The following PTPRD variants were observed in gnomAD, a reference collection of about 807,000 sequenced individuals.
PTPRD encodes protein tyrosine phosphatase receptor type D.
In PTPRD, 34 loss-of-function variants were observed where a neutral mutation model predicts 214.5. That is an observed-to-expected ratio of 0.16 (90% CI 0.12 to 0.21). PTPRD has a LOEUF of 0.21. Among genes scored for constraint, PTPRD ranks in the 10% least tolerant of loss-of-function variants. The probability of loss-of-function intolerance (pLI) is 1.00; values close to 1 mark genes in which losing one functional copy is unlikely to be tolerated. For synonymous variants in PTPRD, 1,128 were observed against 845.7 expected (o/e 1.33, Z -5.79); for missense variants, 2,545 against 2,398.7 (o/e 1.06, Z -1.27).
At chr9:10,472,942 A>G (rs1390924269) in intron 2 of PTPRD, among the ~76,000 whole-genome samples, 1 of 152,040 alleles carries the variant, frequency 6.6e-6, no homozygotes, top group African/African-American at 2.4e-5. Flanking sequence ...AAGAGATTAT[A>G]TTGCATATAA....
chr9:9,719,302 A>C (rs952313704), intron 7 of PTPRD, among the ~76,000 whole-genome samples: 8 of 152,042 alleles, frequency 5.3e-5, no homozygotes, highest in African/African-American at 1.9e-4. Flanking sequence ...ACATAACCTC[A>C]TTCTTCTTGG....
At chr9:10,163,079 A>T (rs78612305) in intron 3 of PTPRD, among the ~76,000 whole-genome samples, 3,134 of 151,038 alleles carry the variant, frequency 0.021, 42 homozygotes, top group Middle Eastern at 0.034. Flanking sequence ...AAGAAAAGGA[A>T]TCATGAAATA....
intron 7 of PTPRD, among the ~76,000 whole-genome samples, chr9:9,729,786 T>G (rs1400494066): frequency 3.9e-5 from 6 of 152,100 alleles, no homozygotes; most frequent in Admixed American, 3.9e-4. Flanking sequence ...AACATATTAG[T>G]AAATTCATGA....
chr9:8,636,205 T>C (rs545998273), intron 13 of PTPRD, among the ~76,000 whole-genome samples: 2 of 152,332 alleles, frequency 1.3e-5, no homozygotes, highest in East Asian at 3.9e-4. Context: ...GGGAAAATTC[T>C]GCTCTTTCAT....
At chr9:8,742,776 C>T (rs1740461325) in intron 11 of PTPRD, among the ~76,000 whole-genome samples, 1 of 152,084 alleles carries the variant, frequency 6.6e-6, no homozygotes, top group South Asian at 2.1e-4. Flanking sequence ...ATTATGATAG[C>T]TCAAAGAAAA....
At chr9:9,298,662 A>T (rs1954063999) in intron 9 of PTPRD, among the ~76,000 whole-genome samples, 1 of 151,786 alleles carries the variant, frequency 6.6e-6, no homozygotes, top group Non-Finnish European at 1.5e-5. Context: ...GGGAAAAGAT[A>T]AGGATTATTG....
intron 11 of PTPRD, among the ~76,000 whole-genome samples, chr9:8,814,556 T>C (rs895720912): frequency 6.6e-6 from 1 of 152,064 alleles, no homozygotes; most frequent in Non-Finnish European, 1.5e-5. Flanking sequence ...GCGGAAACCC[T>C]AGGTGACACG....
At chr9:9,333,674 C>T (rs1368387155) in intron 9 of PTPRD, among the ~76,000 whole-genome samples, 6 of 151,424 alleles carry the variant, frequency 4.0e-5, no homozygotes, top group South Asian at 2.1e-4. Flanking sequence ...TAATCTTGAA[C>T]GTGCCACTTG....
intron 5 of PTPRD, among the ~76,000 whole-genome samples, chr9:9,912,374 A>C (rs887608507): frequency 2.6e-5 from 4 of 152,174 alleles, no homozygotes; most frequent in Admixed American, 2.0e-4. Context: ...ATGAGGTAGC[A>C]GTCTCCCTTG....
At chr9:8,437,165 A>G (rs1359705577) in intron 34 of PTPRD, 2 of 1,471,790 alleles carry the variant, frequency 1.4e-6, no homozygotes, top group Non-Finnish European at 1.8e-6. Context: ...TAGTAAACAT[A>G]AAATGACTTA....
intron 14 of PTPRD, among the ~76,000 whole-genome samples, chr9:8,556,143 T>C (rs1593624108): frequency 1.3e-5 from 2 of 152,356 alleles, no homozygotes; most frequent in Admixed American, 6.5e-5. Flanking sequence ...TACACTACTC[T>C]GTCACTGAGA....
intron 5 of PTPRD, among the ~76,000 whole-genome samples, chr9:9,796,913 C>T (rs1047805193): frequency 5.9e-5 from 9 of 152,084 alleles, no homozygotes; most frequent in African/African-American, 7.2e-5. Context: ...GTCATTGCCA[C>T]AATCAAGGCC....
intron 14 of PTPRD, among the ~76,000 whole-genome samples, chr9:8,632,121 TTGTGTGTGTGTGTGTGTGTGTGTGTGTC>T (rs2096272461): frequency 6.9e-6 from 1 of 144,610 alleles, no homozygotes; most frequent in African/African-American, 2.6e-5. Context: ...AATTGCTTCT[TTGTGTGTGTGTGTGTGTGTGTGTGTGTC>T]TGTGTGTGTG....
chr9:8,335,891 G>C (rs887781077), intron 43 of PTPRD, among the ~76,000 whole-genome samples: 3 of 151,426 alleles, frequency 2.0e-5, no homozygotes, highest in African/African-American at 7.3e-5. Flanking sequence ...GCTTCAAAGA[G>C]AATAAAATAC....
intron 10 of PTPRD, among the ~76,000 whole-genome samples, chr9:9,076,866 G>A (rs1477668526): frequency 7.0e-6 from 1 of 142,530 alleles, no homozygotes; most frequent in Admixed American, 7.2e-5. Flanking sequence ...TTAGTTTTTT[G>A]AGGAAATTCC....
Position 9,264,827 on chromosome 9 carries a change from T to A in PTPRD, c.-202-81464A>T, listed in dbSNP as rs372255712. ...ATAAACAAGAGATCCTCCATGAGAT[T>A]ATCAGCCGATTTTTCAGCAGAAGCC... On this transcript the variant is annotated intron_variant, in intron 9 of 45. Coordinates refer to ENST00000381196, the MANE Select transcript of PTPRD (RefSeq NM_002839.4). Among the ~76,000 whole-genome samples the A allele has an allele frequency of 2.6e-5, 4 of 151,166 alleles. No individual in the cohort carries two copies. The South Asian group carries it at 8.3e-4, about 31-fold the overall frequency.
chr9:8,781,150 T>A (rs1490582285), intron 11 of PTPRD, among the ~76,000 whole-genome samples: 1 of 152,194 alleles, frequency 6.6e-6, no homozygotes, highest in African/African-American at 2.4e-5. Context: ...GCAAAAGGCT[T>A]TGCCTTGGTA....
At chr9:10,204,231 C>T (rs1208236393) in intron 3 of PTPRD, among the ~76,000 whole-genome samples, 1 of 152,110 alleles carries the variant, frequency 6.6e-6, no homozygotes, top group African/African-American at 2.4e-5. Context: ...CAGATTTCCT[C>T]CTCCACGTGA....
At chr9:8,779,076 A>G (rs771133123) in intron 11 of PTPRD, among the ~76,000 whole-genome samples, 2 of 152,188 alleles carry the variant, frequency 1.3e-5, no homozygotes, top group Non-Finnish European at 2.9e-5. Context: ...TGTCAGAGGC[A>G]AGCCCTGGGC....
Sources: allele counts gnomAD v4.1 joint callset (sites outside exome capture counted in the v4.1 genomes callset), GRCh38; gene constraint gnomAD v4.1.1; transcripts MANE v1.5; gene names NCBI Gene and HGNC (gene_info 2026-07-23, HGNC 2026-07-21).